The following AHRR variants were observed in gnomAD, a reference collection of about 807,000 sequenced individuals.
The protein encoded by AHRR is aryl hydrocarbon receptor repressor, also known as ahR repressor.
A neutral mutation model predicts 44.0 loss-of-function variants in AHRR; 28 were observed. The ratio of observed to expected loss-of-function variants is 0.64; its 90% CI spans 0.47 to 0.87. AHRR has a LOEUF of 0.87. Among genes scored for constraint, AHRR ranks in the 40% least tolerant of loss-of-function variants. AHRR has a pLI of 0.00. For missense variants in AHRR, 990 were observed against 953.9 expected (o/e 1.04, Z -0.50); for synonymous variants, 434 against 407.0 (o/e 1.07, Z -0.80).
At chr5:397,820 T>C (rs1178663086) in intron 4 of AHRR, among the ~76,000 whole-genome samples, 9 of 73,860 alleles carry the variant, frequency 1.2e-4, no homozygotes, top group African/African-American at 1.6e-4. Flanking sequence ...TCCACGTAGC[T>C]CCTGACCGTC....
At chr5:381,525 T>A (rs1207250399) in intron 4 of AHRR, among the ~76,000 whole-genome samples, 1 of 133,846 alleles carries the variant, frequency 7.5e-6, no homozygotes, top group Non-Finnish European at 1.6e-5. Context: ...TTTTTTTTTT[T>A]TTTTTTTTGA....
chr5:348,665 T>C (rs1361497889), intron 2 of AHRR, among the ~76,000 whole-genome samples: 1 of 152,246 alleles, frequency 6.6e-6, no homozygotes, highest in East Asian at 1.9e-4. Context: ...TTCATCCATG[T>C]TTCTAGCACC....
intron 2 of AHRR, among the ~76,000 whole-genome samples, chr5:352,748 G>T (rs1432192065): frequency 6.8e-6 from 1 of 147,522 alleles, no homozygotes; most frequent in Non-Finnish European, 1.5e-5. Context: ...GAGGTTAAAT[G>T]GGTCAGCTGT....
Position 405,181 on chromosome 5 carries a change from G to A in AHRR, c.352-8163G>A, listed in dbSNP as rs1463496567. Reference sequence around the variant, plus strand: ...TGAACAGCCCCGATGGGTCCAGGCAGATTCACCAGACTTTCTGCTCACGAC... The same window carrying A: ...TGAACAGCCCCGATGGGTCCAGGCAAATTCACCAGACTTTCTGCTCACGAC... On this transcript the variant is annotated intron_variant, in intron 4 of 10. Transcript: ENST00000684583. The surrounding 1 kb of genome is among the most constrained non-coding windows in gnomAD (Gnocchi z 4.5). 6.6e-6 allele frequency among the ~76,000 whole-genome samples: 1 copy of A among 152,122 alleles called. No individual in the cohort carries two copies. Among genetic ancestry groups the A allele is most frequent in the Non-Finnish European group, 1.5e-5 (1 of 68,020 alleles).
rs1560907081 is a variant in AHRR at position 397,472 on chromosome 5, A to AGCCCCTGACCATCCACG, written c.352-15872_352-15871insGCCCCTGACCATCCACG. On this transcript the variant is annotated intron_variant, in intron 4 of 10. Coordinates refer to ENST00000684583, the MANE Select transcript of AHRR (RefSeq NM_001377236.1). ...TCCATGTTAGCCCCTGACCATCCAC[A>AGCCCCTGACCATCCACG]TAGCCCCTGACCATCCACGTAGCCC... is the stretch of plus-strand genomic sequence containing the variant. 6.6e-4 allele frequency among the ~76,000 whole-genome samples: 25 copies of AGCCCCTGACCATCCACG among 37,784 alleles called. 1 individual carries two copies. Among genetic ancestry groups the AGCCCCTGACCATCCACG allele is most frequent in the Admixed American group, 1.3e-3 (5 of 3,854 alleles). The allele number at this position is 37,784 out of a possible 152,430, so 24.8% of individuals were successfully genotyped here.
chr5:402,672 G>T (rs1349685877), intron 4 of AHRR, among the ~76,000 whole-genome samples: 1 of 151,718 alleles, frequency 6.6e-6, no homozygotes, highest in Non-Finnish European at 1.5e-5. Flanking sequence ...CCCCCTGCTG[G>T]GCATTTACCC....
chr5:399,325 G>A (rs1049107868), intron 4 of AHRR, among the ~76,000 whole-genome samples: 3 of 152,386 alleles, frequency 2.0e-5, no homozygotes, highest in African/African-American at 4.8e-5. Flanking sequence ...TGTGGTAACC[G>A]TCAGCTGCCT....
rs370731510 is a variant in AHRR at position 367,454 on chromosome 5, C to T, written c.245-9156C>T. Among the ~76,000 whole-genome samples, 118 of 152,348 alleles carry T rather than the reference C, an allele frequency of 7.7e-4. 1 individual carries two copies. The highest frequency in any genetic ancestry group is 2.6e-3 in the African/African-American group (110 of 41,584). On this transcript the variant is annotated intron_variant, in intron 3 of 10. Transcript: ENST00000684583. Reference sequence around the variant, plus strand: ...TCATGACCACCCTGCCCCACAGACACGGGTCTGAGCTGCAGTGCGTGGTCA... The same window carrying T: ...TCATGACCACCCTGCCCCACAGACATGGGTCTGAGCTGCAGTGCGTGGTCA...
intron 3 of AHRR, among the ~76,000 whole-genome samples, chr5:372,194 C>A (rs1743602528): frequency 6.6e-6 from 1 of 151,834 alleles, no homozygotes; most frequent in Non-Finnish European, 1.5e-5. Context: ...CTGGGGTGGG[C>A]TGGCGGGGCC....
rs2126504268 is a variant in AHRR, at chr5:407,575, T to C, written c.352-5769T>C. On this transcript the variant is annotated intron_variant, in intron 4 of 10. Coordinates refer to ENST00000684583, the MANE Select transcript of AHRR (RefSeq NM_001377236.1). Reference sequence around the variant, plus strand: ...TATTTTTGAGACAGAGTTTCACTCTTGTTGCCCAGGCTGGAGTGTAATGTC... The same window carrying C: ...TATTTTTGAGACAGAGTTTCACTCTCGTTGCCCAGGCTGGAGTGTAATGTC... Among the ~76,000 whole-genome samples, 2 of 152,336 alleles carry C rather than the reference T, an allele frequency of 1.3e-5. 1 individual carries two copies. The highest frequency in any genetic ancestry group is 3.9e-4 in the East Asian group (2 of 5,186).
intron 1 of AHRR, among the ~76,000 whole-genome samples, chr5:328,028 T>C (rs1741773517): frequency 6.6e-6 from 1 of 152,058 alleles, no homozygotes. Context: ...AGTGAGAACA[T>C]GCGGTGTTTG....
chr5:438,007 T>C lies in AHRR; in HGVS notation c.*3173T>C, dbSNP rs1737168647. On this transcript the variant is annotated 3_prime_UTR_variant, in exon 11 of 11. Transcript: ENST00000684583. The stretch of plus-strand genomic sequence containing the variant: ...TCTGTGTATGTAGCTTTTCCCTATA[T>C]AGCTGAAAAAGTATTAAAGTCAAAT... 1 of 152,364 alleles carries C rather than the reference T, an allele frequency of 6.6e-6. No individual in the cohort carries two copies. Among genetic ancestry groups the C allele is most frequent in the Non-Finnish European group, 1.5e-5 (1 of 68,042 alleles). The allele number at this position is 152,364 out of a possible 1,614,324, so 9.4% of individuals were successfully genotyped here.
At chr5:384,353 C>T (rs1031162752) in intron 4 of AHRR, among the ~76,000 whole-genome samples, 2 of 152,094 alleles carry the variant, frequency 1.3e-5, no homozygotes, top group African/African-American at 4.8e-5. Flanking sequence ...AACCTTAAGC[C>T]ACATAAATCC....
At chr5:424,439 G>A (rs796421721) in intron 7 of AHRR, among the ~76,000 whole-genome samples, 187 of 138,648 alleles carry the variant, frequency 1.3e-3, no homozygotes, top group East Asian at 2.4e-3. Flanking sequence ...TGATGGTATG[G>A]GGGTGTTAAC....
In AHRR at chr5:338,919, A is replaced by G. The variant is rs1243545467; in HGVS notation, c.-10-4974A>G. 6.6e-6 allele frequency among the ~76,000 whole-genome samples: 1 copy of G among 152,158 alleles called. No individual in the cohort carries two copies. The highest frequency in any genetic ancestry group is 2.4e-5 in the African/African-American group (1 of 41,440). On this transcript the variant is annotated intron_variant, in intron 1 of 10. Coordinates refer to ENST00000684583, the MANE Select transcript of AHRR (RefSeq NM_001377236.1). This position sits in a 1 kb window ranked among gnomAD's most constrained non-coding sequence, Gnocchi z 4.1. ...TTACACATATATTAGGTCTCTTGAA[A>G]TACCTATTTTATTTTTATTGGGGTG...
intron 4 of AHRR, among the ~76,000 whole-genome samples, chr5:398,049 C>T (rs1230255277): frequency 2.1e-5 from 3 of 143,236 alleles, no homozygotes; most frequent in South Asian, 2.4e-4. Context: ...CCATGTTAGC[C>T]CCTGACCATC....
At position 395,627 on chromosome 5, in the gene AHRR, G is replaced by A. The variant is rs1734670138; in HGVS notation, c.352-17717G>A. On this transcript the variant is annotated intron_variant, in intron 4 of 10. Transcript: ENST00000684583. This position sits in a 1 kb window ranked among gnomAD's most constrained non-coding sequence, Gnocchi z 5.3. Reference sequence around the variant, plus strand: ...CGTGTCTGGAAGCCCCAAGCCGCTCGGCAGACGGTCATCGGGCCGCGCTGC... The same window carrying A: ...CGTGTCTGGAAGCCCCAAGCCGCTCAGCAGACGGTCATCGGGCCGCGCTGC... Among the ~76,000 whole-genome samples the A allele has an allele frequency of 6.6e-6, 1 of 152,202 alleles. No individual in the cohort carries two copies. The highest frequency in any genetic ancestry group is 2.4e-5 in the African/African-American group (1 of 41,450).
intron 4 of AHRR, among the ~76,000 whole-genome samples, chr5:401,476 G>A (rs754292859): frequency 3.3e-5 from 5 of 152,208 alleles, no homozygotes; most frequent in East Asian, 1.9e-4. Flanking sequence ...CTCCATTGGC[G>A]CCAGCCCAGG....
In AHRR at chr5:395,105, C is replaced by T. The variant is rs1432809159; in HGVS notation, c.352-18239C>T. ...TTTGACTGTGACCCCAAAGCCCCTG[C>T]CCTGGGCCGTGGCTCCCAATCTCCT... On this transcript the variant is annotated intron_variant, in intron 4 of 10. Coordinates refer to ENST00000684583, the MANE Select transcript of AHRR (RefSeq NM_001377236.1). This position sits in a 1 kb window ranked among gnomAD's most constrained non-coding sequence, Gnocchi z 5.3. 6.6e-6 allele frequency among the ~76,000 whole-genome samples: 1 copy of T among 152,208 alleles called. No homozygotes were observed. The highest frequency in any genetic ancestry group is 6.5e-5 in the Admixed American group (1 of 15,292).
Sources: gnomAD v4.1 joint callset for allele counts (sites outside exome capture counted in the v4.1 genomes callset) on GRCh38, gnomAD v4.1.1 for gene constraint, Gnocchi (gnomAD v3.1) non-coding constraint, MANE v1.5 for transcripts, NCBI Gene and HGNC (gene_info 2026-07-23, HGNC 2026-07-21) for gene names.